ADGRL1: variants seen among roughly 807,000 people sequenced by gnomAD.
ADGRL1 encodes the protein CIRL-1.
A neutral mutation model predicts 148.9 loss-of-function variants in ADGRL1; 31 were observed. The ratio of observed to expected loss-of-function variants is 0.21; its 90% CI spans 0.16 to 0.28. ADGRL1 has a LOEUF of 0.28. Ranked by LOEUF, ADGRL1 falls within the 10% of genes least tolerant of loss-of-function variation. ADGRL1 has a pLI of 1.00. For missense variants in ADGRL1, 1,521 were observed against 2,058.8 expected, an observed-to-expected ratio of 0.74 and a Z score of 5.05; for synonymous variants, 937 against 900.3, an observed-to-expected ratio of 1.04 and a Z score of -0.73.
intron 1 of ADGRL1, among the ~76,000 whole-genome samples, chr19:14,196,879 C>T (rs1350042970): frequency 6.6e-6 from 1 of 152,158 alleles, no homozygotes; most frequent in South Asian, 2.1e-4. Flanking sequence ...CTCTCTGCTA[C>T]TAGATGCTGG....
chr19:14,167,569 A>G (rs1177856644), intron 4 of ADGRL1, among the ~76,000 whole-genome samples: 1 of 152,122 alleles, frequency 6.6e-6, no homozygotes, highest in African/African-American at 2.4e-5. Flanking sequence ...GCCCACCCTC[A>G]GCCAAGAAAC....
In ADGRL1 at chr19:14,189,959, C is replaced by T. The variant is rs149486323; in HGVS notation, c.-95-6262G>A. ...TTATTATTATTTTGAGACGGAGTCT[C>T]GCTCTGTCACCCATGCTGGAGTGCA... is the stretch of plus-strand genomic sequence containing the variant. On this transcript the variant is annotated intron_variant, in intron 1 of 22. Transcript: ENST00000361434. Among the ~76,000 whole-genome samples, 4 of 152,336 alleles carry T rather than the reference C, an allele frequency of 2.6e-5. No homozygotes were observed. The East Asian group carries it at 7.7e-4, about 29-fold the overall frequency.
At position 14,155,532 on chromosome 19, in the gene ADGRL1, G is replaced by C; in HGVS notation, c.3126-5C>G. Reference sequence around the variant, plus strand: ...ATGGCCCCCAGCGCCCAGGATCTGGGAGTGGGGCGACAGGGGAGTCAAAGT... The same window carrying C: ...ATGGCCCCCAGCGCCCAGGATCTGGCAGTGGGGCGACAGGGGAGTCAAAGT... On this transcript the variant is annotated splice_region_variant and splice_polypyrimidine_tract_variant and intron_variant, in intron 17 of 22. Transcript: ENST00000361434. This position sits in a 1 kb window ranked among gnomAD's most constrained non-coding sequence, Gnocchi z 5.0. 1.2e-6 allele frequency: 2 copies of C among 1,613,206 alleles called. No individual in the cohort carries two copies. Among genetic ancestry groups the C allele is most frequent in the Non-Finnish European group, 1.7e-6 (2 of 1,179,780 alleles).
chr19:14,174,528 AAC>A (rs1391465526), intron 3 of ADGRL1, among the ~76,000 whole-genome samples: 1 of 148,624 alleles, frequency 6.7e-6, no homozygotes, highest in African/African-American at 2.5e-5. Flanking sequence ...CTCCCCTGGT[AAC>A]ACACATTTTT....
At chr19:14,180,561 G>GT (rs879553658) in intron 2 of ADGRL1, among the ~76,000 whole-genome samples, 5 of 151,170 alleles carry the variant, frequency 3.3e-5, no homozygotes, top group Non-Finnish European at 7.4e-5. Context: ...TGGCCTGTTT[G>GT]TTTTTTCAGA....
At chr19:14,191,994 G>A (rs1005363447) in intron 1 of ADGRL1, among the ~76,000 whole-genome samples, 33 of 152,036 alleles carry the variant, frequency 2.2e-4, no homozygotes, top group African/African-American at 5.5e-4. Context: ...CACAAGCGCC[G>A]GCCTCTCTCT....
rs752719314 is a variant in ADGRL1, at chr19:14,158,003, C to T, written c.2414G>A (p.Arg805His). 31 of 1,614,070 alleles carry T rather than the reference C, an allele frequency of 1.9e-5. 1 individual carries two copies. The highest frequency in any genetic ancestry group is 3.3e-5 in the South Asian group (3 of 91,090). ...ANCSFWNYSERSMLGYWSTQG... is the reference protein window; with the variant it reads ...ANCSFWNYSEHSMLGYWSTQG... ...GGTCGACCAGTAGCCCAGCATGGAA[C>T]GCTCCGAGTAGTTCCAGAAGGAGCA... The change falls in exon 13 of 23, where the codon CGT becomes CAT. Residue 805 changes from arginine to histidine, a missense_variant. Arg to His is a conservative substitution (Grantham distance 29). Around this residue, in one of 8 missense-constraint regions of ADGRL1, gnomAD observed 265 missense variants for 431.9 expected, o/e 0.61. Coordinates refer to ENST00000361434, the MANE Select transcript of ADGRL1 (RefSeq NM_014921.5).
rs190117846 is a variant in ADGRL1, at chr19:14,180,659, C to T, written c.70+2874G>A. Among the ~76,000 whole-genome samples, 955 of 152,236 alleles carry T rather than the reference C, an allele frequency of 6.3e-3. 10 individuals carry two copies. The highest frequency in any genetic ancestry group is 0.021 in the African/African-American group (886 of 41,558). ...CAAACTCCTGGGCTCAGGGGATCCT[C>T]CTGCCTCAGCCTCCCGAGTAGCTGG... is the stretch of plus-strand genomic sequence containing the variant. On this transcript the variant is annotated intron_variant, in intron 2 of 22. Transcript: ENST00000361434.
intron 2 of ADGRL1, among the ~76,000 whole-genome samples, chr19:14,179,050 G>A (rs1330506118): frequency 3.3e-5 from 5 of 152,002 alleles, no homozygotes; most frequent in Non-Finnish European, 7.4e-5. Flanking sequence ...TGGACGTGGT[G>A]GCATGTGCCT....
intron 3 of ADGRL1, among the ~76,000 whole-genome samples, chr19:14,173,488 G>C (rs1970614838): frequency 6.6e-6 from 1 of 152,174 alleles, no homozygotes; most frequent in Admixed American, 6.5e-5. Context: ...TGCAGTTTAG[G>C]CATCCACTGG....
In ADGRL1 at chr19:14,177,351, G is replaced by A. The variant is rs929790131; in HGVS notation, c.284+180C>T. ...AGGCCTCTGTCGGGGGCACAGGCTG[G>A]CTGTGGGGAGATGTACTGGGTCTTA... On this transcript the variant is annotated intron_variant, in intron 3 of 22. Coordinates refer to ENST00000361434, the MANE Select transcript of ADGRL1 (RefSeq NM_014921.5). Among the ~76,000 whole-genome samples the A allele has an allele frequency of 3.3e-5, 5 of 152,256 alleles. No homozygotes were observed. The South Asian group carries it at 1.0e-3, about 32-fold the overall frequency.
rs1008907718 is a variant in ADGRL1, at chr19:14,161,016, C to T, written c.1510+296G>A. The stretch of plus-strand genomic sequence containing the variant: ...AGATCTCCAGGACACACGGCCCTGC[C>T]CTTTTTGCACTTCAGCTGGCCATCC... On this transcript the variant is annotated intron_variant, in intron 6 of 22. Coordinates refer to ENST00000361434, the MANE Select transcript of ADGRL1 (RefSeq NM_014921.5). This position sits in a 1 kb window ranked among gnomAD's most constrained non-coding sequence, Gnocchi z 4.4. Among the ~76,000 whole-genome samples the T allele has an allele frequency of 2.0e-5, 3 of 152,238 alleles. No individual in the cohort carries two copies. Among genetic ancestry groups the T allele is most frequent in the African/African-American group, 7.2e-5 (3 of 41,462 alleles).
At chr19:14,165,155 C>T (rs139123583) in intron 4 of ADGRL1, among the ~76,000 whole-genome samples, 14 of 152,290 alleles carry the variant, frequency 9.2e-5, no homozygotes, top group Non-Finnish European at 1.5e-4. Flanking sequence ...AACAATGTGG[C>T]TCAGGGGCCC....
chr19:14,176,902 C>G (rs975535655), intron 3 of ADGRL1, among the ~76,000 whole-genome samples: 3 of 151,842 alleles, frequency 2.0e-5, no homozygotes, highest in Admixed American at 6.6e-5. Flanking sequence ...CTCTGTCCTG[C>G]TGTTCTTTAT....
intron 16 of ADGRL1, 126 bp from the exon 17 acceptor site, chr19:14,156,327 A>C (rs1968740806): frequency 2.6e-6 from 2 of 760,988 alleles, no homozygotes; most frequent in Non-Finnish European, 4.5e-6. Context: ...AGAACCCCGT[A>C]CCTGCCCCTG....
Position 14,206,063 on chromosome 19 carries a change from C to T in ADGRL1, c.-174G>A, listed in dbSNP as rs1268499996. ...AACCCGGGCCCCCCGCCCGGCACAT[C>T]TCCCGGAGCCGGGGCTGGGGGGAAG... is the stretch of plus-strand genomic sequence containing the variant. On this transcript the variant is annotated 5_prime_UTR_variant, in exon 1 of 23. Transcript: ENST00000361434. 2.0e-5 allele frequency: 3 copies of T among 151,954 alleles called. No individual in the cohort carries two copies. The highest frequency in any genetic ancestry group is 7.3e-5 in the African/African-American group (3 of 41,366). The allele number at this position is 151,954 out of a possible 1,614,324, so 9.4% of individuals were successfully genotyped here. A position where few individuals can be genotyped will look rare whatever the true frequency, so the allele number is the denominator to read the frequency against.
At chr19:14,158,652 G>A in intron 11 of ADGRL1, 100 bp from the exon 12 acceptor site, 1 of 908,964 alleles carries the variant, frequency 1.1e-6, no homozygotes, top group Non-Finnish European at 1.7e-6. Context: ...TCAGCCCTTG[G>A]CCACGCTGGC....
chr19:14,168,024 T>G (rs1177967285), intron 4 of ADGRL1, among the ~76,000 whole-genome samples: 2 of 151,242 alleles, frequency 1.3e-5, no homozygotes, highest in Non-Finnish European at 1.5e-5. Flanking sequence ...TGTGGGAGGG[T>G]TCCCACACAT....
chr19:14,188,797 G>A (rs1011751130), intron 1 of ADGRL1, among the ~76,000 whole-genome samples: 6 of 151,990 alleles, frequency 3.9e-5, no homozygotes, highest in African/African-American at 9.7e-5. Context: ...TTTTTGAGAC[G>A]GAGTCTCACT....
Sources: allele counts gnomAD v4.1 joint callset (sites outside exome capture counted in the v4.1 genomes callset), GRCh38; gene constraint gnomAD v4.1.1; regional missense constraint gnomAD v4.1.1; non-coding constraint Gnocchi (gnomAD v3.1); transcripts MANE v1.5; gene names NCBI Gene and HGNC (gene_info 2026-07-23, HGNC 2026-07-21).